Variants in PTPN9 observed in about 807,000 individuals in gnomAD.
PTPN9 encodes the protein protein tyrosine phosphatase non-receptor type 9, also known as tyrosine-protein phosphatase non-receptor type 9.
Under a neutral mutation model 69.8 loss-of-function variants are expected in PTPN9, and 26 were observed. That is an observed-to-expected ratio of 0.37 (90% CI 0.27 to 0.52). The LOEUF (loss-of-function observed/expected upper bound fraction) is 0.52, where lower values mean the gene tolerates loss of function less well. Ranked by LOEUF, PTPN9 falls within the 20% of genes least tolerant of loss-of-function variation. PTPN9 has a pLI of 0.91. For synonymous variants in PTPN9, 274 were observed against 272.5 expected (o/e 1.01, Z -0.05); for missense variants, 549 against 740.3 (o/e 0.74, Z 3.00).
chr15:75,528,910 C>G (rs2074942840), intron 1 of PTPN9, among the ~76,000 whole-genome samples: 1 of 151,500 alleles, frequency 6.6e-6, no homozygotes, highest in South Asian at 2.1e-4. Flanking sequence ...CTTTGTTGGC[C>G]AGGCTGGTCT....
At chr15:75,484,705 G>A (rs995361668) in intron 8 of PTPN9, among the ~76,000 whole-genome samples, 2 of 152,140 alleles carry the variant, frequency 1.3e-5, no homozygotes, top group African/African-American at 4.8e-5. Flanking sequence ...GGTTACAGAA[G>A]GACAAAAGAA....
Position 75,483,947 on chromosome 15 carries a change from G to A in PTPN9, c.1063-4033C>T, listed in dbSNP as rs143614754. Among the ~76,000 whole-genome samples the A allele has an allele frequency of 1.1e-3, 164 of 152,282 alleles. 5 individuals carry two copies. The East Asian group carries it at 0.029, about 27-fold the overall frequency. On this transcript the variant is annotated intron_variant, in intron 8 of 12. Coordinates refer to ENST00000618819, the MANE Select transcript of PTPN9 (RefSeq NM_002833.4). ...TGATCAATTAAGCAGCTGACCAATC[G>A]TTACCTCCTCCTCCCTGCTCTTGGT...
intron 7 of PTPN9, among the ~76,000 whole-genome samples, chr15:75,493,011 T>C (rs1013543456): frequency 1.3e-5 from 2 of 151,920 alleles, no homozygotes; most frequent in African/African-American, 4.8e-5. Context: ...AAAAATTAGC[T>C]GGGCATGGAG....
At chr15:75,575,043 G>A (rs1384745033) in intron 1 of PTPN9, among the ~76,000 whole-genome samples, 1 of 22,408 alleles carries the variant, frequency 4.5e-5, no homozygotes, top group Non-Finnish European at 6.6e-5. Context: ...GCGGGATCTC[G>A]GCTCACTGCA....
rs1304661599 is a variant in PTPN9 at position 75,466,051 on chromosome 15, T to C, written c.*2718A>G. On this transcript the variant is annotated 3_prime_UTR_variant, in exon 13 of 13. Transcript: ENST00000618819. ...CTCCTGATTATGGTAAGAAACTCGATAAAAATTTATTGGCAGATCAGAAGA... is the reference window on the plus strand; with the variant it reads ...CTCCTGATTATGGTAAGAAACTCGACAAAAATTTATTGGCAGATCAGAAGA... The C allele has an allele frequency of 6.6e-6, 1 of 152,218 alleles. No individual in the cohort carries two copies. The highest frequency in any genetic ancestry group is 1.5e-5 in the Non-Finnish European group (1 of 68,048). The allele number at this position is 152,218 out of a possible 1,614,324, so 9.4% of individuals were successfully genotyped here.
At chr15:75,577,454 A>C (rs146149043) in intron 1 of PTPN9, among the ~76,000 whole-genome samples, 62 of 152,316 alleles carry the variant, frequency 4.1e-4, no homozygotes, top group Non-Finnish European at 7.6e-4. Context: ...AGTTACCAGG[A>C]CATTCATTAC....
chr15:75,503,573 C>T (rs1207397462), intron 7 of PTPN9, among the ~76,000 whole-genome samples: 82 of 100,188 alleles, frequency 8.2e-4, no homozygotes, highest in Non-Finnish European at 1.1e-3. Flanking sequence ...CCCGGCCAGC[C>T]GCTCCGTCCG....
chr15:75,559,879 C>T (rs1032849619), intron 1 of PTPN9, among the ~76,000 whole-genome samples: 1 of 151,728 alleles, frequency 6.6e-6, no homozygotes, highest in African/African-American at 2.4e-5. Context: ...ATGGCTCATG[C>T]TTGTAATCCC....
At chr15:75,479,953 A>C (rs1357603559) in intron 8 of PTPN9, 39 bp from the exon 9 acceptor site, 2 of 1,401,752 alleles carry the variant, frequency 1.4e-6, no homozygotes, top group South Asian at 1.2e-5. Flanking sequence ...GCTACACAGA[A>C]TACACCATTT....
chr15:75,504,399 G>T (rs1182179834), intron 7 of PTPN9, among the ~76,000 whole-genome samples: 7 of 124,296 alleles, frequency 5.6e-5, no homozygotes, highest in African/African-American at 6.4e-5. Flanking sequence ...TCAGCCCCCC[G>T]CCCGGCCAGC....
At chr15:75,493,304 T>C (rs1406851419) in intron 7 of PTPN9, among the ~76,000 whole-genome samples, 1 of 151,632 alleles carries the variant, frequency 6.6e-6, no homozygotes, top group African/African-American at 2.4e-5. Flanking sequence ...GATGATACAA[T>C]TATACATAAA....
At chr15:75,516,688 G>C (rs1177177485) in intron 5 of PTPN9, among the ~76,000 whole-genome samples, 1 of 146,576 alleles carries the variant, frequency 6.8e-6, no homozygotes, top group Admixed American at 6.8e-5. Context: ...GATTACAGGC[G>C]TGAGTCATGG....
chr15:75,497,300 G>A (rs1195221460), intron 7 of PTPN9, among the ~76,000 whole-genome samples: 2 of 151,758 alleles, frequency 1.3e-5, no homozygotes, highest in African/African-American at 4.8e-5. Flanking sequence ...GACCAGCCTG[G>A]GCAACAGAGC....
chr15:75,471,077 C>T (rs2074561639), intron 10 of PTPN9, among the ~76,000 whole-genome samples: 1 of 152,208 alleles, frequency 6.6e-6, no homozygotes, highest in Non-Finnish European at 1.5e-5. Context: ...AGCATTTGGT[C>T]TTTTTCCTAA....
Position 75,550,156 on chromosome 15 carries a change from CCCCTGTGGTA to C in PTPN9, c.64-22905_64-22896del, listed in dbSNP as rs68177070. Reference sequence around the variant, plus strand: ...GAGAACTCCAAGGCAGCCTGATAAACCCCTGTGGTAGTTTTTTTTTTTTTTTTGAGACAGA... The same window carrying C: ...GAGAACTCCAAGGCAGCCTGATAAACGTTTTTTTTTTTTTTTTGAGACAGA... On this transcript the variant is annotated intron_variant, in intron 1 of 12. Transcript: ENST00000618819. 6.0e-3 allele frequency among the ~76,000 whole-genome samples: 908 copies of C among 151,860 alleles called. 4 individuals carry two copies. Among genetic ancestry groups the C allele is most frequent in the Non-Finnish European group, 0.011 (733 of 67,934 alleles).
At chr15:75,570,661 G>A (rs577619425) in intron 1 of PTPN9, among the ~76,000 whole-genome samples, 2 of 152,020 alleles carry the variant, frequency 1.3e-5, no homozygotes, top group African/African-American at 2.4e-5. Flanking sequence ...CCAGGAACCC[G>A]GGAGGCGAGG....
intron 7 of PTPN9, among the ~76,000 whole-genome samples, chr15:75,503,141 G>A (rs1046212537): frequency 2.3e-4 from 33 of 143,616 alleles, no homozygotes; most frequent in African/African-American, 5.6e-4. Flanking sequence ...TGCCCAGTCT[G>A]GAAAGTGAGG....
chr15:75,499,344 C>T (rs1219244866), intron 7 of PTPN9, among the ~76,000 whole-genome samples: 2 of 149,264 alleles, frequency 1.3e-5, no homozygotes, highest in Non-Finnish European at 3.0e-5. Context: ...GATCTGTTCT[C>T]TGATTGTCAA....
At chr15:75,492,348 G>C (rs2074715663) in intron 7 of PTPN9, among the ~76,000 whole-genome samples, 1 of 152,182 alleles carries the variant, frequency 6.6e-6, no homozygotes, top group Admixed American at 6.5e-5. Flanking sequence ...AAGCAGATAG[G>C]AGGATTTTGG....
Sources: allele counts gnomAD v4.1 joint callset (sites outside exome capture counted in the v4.1 genomes callset), GRCh38; gene constraint gnomAD v4.1.1; transcripts MANE v1.5; gene names NCBI Gene and HGNC (gene_info 2026-07-23, HGNC 2026-07-21).